Variants in SLC8A1 observed in about 807,000 individuals in gnomAD.
SLC8A1 encodes the protein solute carrier family 8 member A1.
In SLC8A1, 18 loss-of-function variants were observed where a neutral mutation model predicts 68.3. The observed-to-expected ratio is 0.26, with a 90% CI of 0.18 to 0.39. The LOEUF is 0.39. Among genes scored for constraint, SLC8A1 ranks in the 10% least tolerant of loss-of-function variants. SLC8A1 has a pLI of 1.00. For synonymous variants in SLC8A1, 475 were observed against 415.5 expected (o/e 1.14, Z -1.74); for missense variants, 985 against 1,156.7 (o/e 0.85, Z 2.15).
At chr2:40,139,574 A>G (rs1316292903) in exon 7 of SLC8A1, 1 of 1,614,182 alleles carries the variant, frequency 6.2e-7, no homozygotes, top group South Asian at 1.1e-5. Context: ...AGGGGGGACG[A>G]AGGCAAACAG....
chr2:40,357,693 T>C (rs1196886304), intron 2 of SLC8A1, among the ~76,000 whole-genome samples: 1 of 151,836 alleles, frequency 6.6e-6, no homozygotes, highest in Non-Finnish European at 1.5e-5. Flanking sequence ...AGTATAATTT[T>C]AAAAAAAGGA....
intron 2 of SLC8A1, among the ~76,000 whole-genome samples, chr2:40,228,131 T>C (rs1331464914): frequency 6.6e-6 from 1 of 152,216 alleles, no homozygotes. Context: ...TGTTGACAAA[T>C]TCCTGTTCAC....
chr2:40,164,765 C>T, intron 5 of SLC8A1, 89 bp downstream of exon 8: 1 of 1,513,374 alleles, frequency 6.6e-7, no homozygotes. Flanking sequence ...CTACTCTTTC[C>T]AGGTGGATCT....
chr2:40,463,845 C>CAA (rs1553620618), intron 1 of SLC8A1, among the ~76,000 whole-genome samples: 6 of 80,388 alleles, frequency 7.5e-5, no homozygotes, highest in African/African-American at 3.2e-4. Context: ...CACATACACA[C>CAA]ACACACACAC....
intron 1 of SLC8A1, among the ~76,000 whole-genome samples, chr2:40,491,579 G>A (rs1191517321): frequency 6.6e-6 from 1 of 152,220 alleles, no homozygotes; most frequent in Non-Finnish European, 1.5e-5. Context: ...CAAAGGGAAT[G>A]CTTCCAGTTT....
exon 8 of SLC8A1, chr2:40,115,289 G>T (rs1268255346): frequency 6.2e-7 from 1 of 1,613,400 alleles, no homozygotes; most frequent in East Asian, 2.2e-5. Context: ...CCTCCAGGGA[G>T]GAGAAGAAAA....
At chr2:40,177,694 A>G in intron 3 of SLC8A1, 1 of 1,004,360 alleles carries the variant, frequency 1.0e-6, no homozygotes, top group Non-Finnish European at 1.5e-6. Context: ...GAGAGTAGGG[A>G]GACACGGAGA....
chr2:40,415,901 C>CACATT (rs1553595439), intron 2 of SLC8A1, among the ~76,000 whole-genome samples: 7 of 140,570 alleles, frequency 5.0e-5, no homozygotes, highest in African/African-American at 1.7e-4. Context: ...CACACACACA[C>CACATT]ACACACACAC....
At chr2:40,121,035 G>T (rs1381436419) in intron 7 of SLC8A1, among the ~76,000 whole-genome samples, 1 of 152,142 alleles carries the variant, frequency 6.6e-6, no homozygotes, top group East Asian at 1.9e-4. Context: ...TTTGTTTTAG[G>T]CTTTTGACAG....
intron 2 of SLC8A1, among the ~76,000 whole-genome samples, chr2:40,191,482 A>G (rs2051830401): frequency 6.6e-6 from 1 of 152,228 alleles, no homozygotes; most frequent in African/African-American, 2.4e-5. Context: ...AAATTAACCA[A>G]AACCAGAACA....
intron 2 of SLC8A1, among the ~76,000 whole-genome samples, chr2:40,383,599 G>A (rs1682626049): frequency 6.6e-6 from 1 of 151,874 alleles, no homozygotes; most frequent in Non-Finnish European, 1.5e-5. Context: ...TACTAACAGA[G>A]AAAAAAATTA....
At chr2:40,427,754 C>G (rs538158782) in intron 2 of SLC8A1, among the ~76,000 whole-genome samples, 1 of 152,232 alleles carries the variant, frequency 6.6e-6, no homozygotes, top group East Asian at 1.9e-4. Context: ...CAACTAGACA[C>G]GTGGACAGAA....
At chr2:40,113,922 C>T (rs1319425595) in exon 8 of SLC8A1, 2 of 152,770 alleles carry the variant, frequency 1.3e-5, no homozygotes, top group Admixed American at 6.5e-5. Flanking sequence ...TTTAACTTCT[C>T]CCCACATGAC....
intron 2 of SLC8A1, among the ~76,000 whole-genome samples, chr2:40,370,483 T>C (rs1677675079): frequency 6.6e-6 from 1 of 152,200 alleles, no homozygotes; most frequent in Middle Eastern, 3.4e-3. Context: ...AAAGTGACTT[T>C]GCTTTTTCTC....
At chr2:40,406,382 G>C (rs1212900655) in intron 2 of SLC8A1, among the ~76,000 whole-genome samples, 1 of 151,982 alleles carries the variant, frequency 6.6e-6, no homozygotes, top group Non-Finnish European at 1.5e-5. Context: ...CATTTTAATA[G>C]TTCTATTATT....
intron 6 of SLC8A1, among the ~76,000 whole-genome samples, chr2:40,150,939 C>T (rs1384816136): frequency 6.6e-6 from 1 of 152,164 alleles, no homozygotes; most frequent in African/African-American, 2.4e-5. Context: ...ATTTGCTTTG[C>T]TCACCTACTA....
At chr2:40,234,268 A>T (rs1351960728) in intron 2 of SLC8A1, among the ~76,000 whole-genome samples, 2 of 151,148 alleles carry the variant, frequency 1.3e-5, no homozygotes, top group Non-Finnish European at 2.9e-5. Flanking sequence ...TTCCTCTTTT[A>T]TTTCCTTGAG....
intron 2 of SLC8A1, among the ~76,000 whole-genome samples, chr2:40,274,464 G>T (rs938034154): frequency 1.3e-5 from 2 of 152,064 alleles, no homozygotes; most frequent in Admixed American, 6.6e-5. Context: ...TGGAAAATGA[G>T]CATGCCAGAG....
chr2:40,292,113 T>A (rs571283150), intron 2 of SLC8A1, among the ~76,000 whole-genome samples: 1 of 152,140 alleles, frequency 6.6e-6, no homozygotes, highest in African/African-American at 2.4e-5. Flanking sequence ...AGTGGTACAG[T>A]GGAAAGAAAT....
Sources: allele counts gnomAD v4.1 joint callset (sites outside exome capture counted in the v4.1 genomes callset), GRCh38; gene constraint gnomAD v4.1.1; transcripts MANE v1.5; gene names NCBI Gene and HGNC (gene_info 2026-07-23, HGNC 2026-07-21).